The following AMPH variants were observed in gnomAD, a reference collection of about 807,000 sequenced individuals.
AMPH encodes the protein amphiphysin (Stiff-Mann syndrome with breast cancer 128kD autoantigen).
A neutral mutation model predicts 99.1 loss-of-function variants in AMPH; 49 were observed. That is an observed-to-expected ratio of 0.49 (90% confidence interval 0.39 to 0.63). The LOEUF is 0.63. AMPH is among the 20% of genes least tolerant of loss of function. AMPH has a pLI of 0.00. For synonymous variants in AMPH, 314 were observed against 317.3 expected (o/e 0.99, Z 0.11); for missense variants, 759 against 863.4 (o/e 0.88, Z 1.52).
chr7:38,548,009 G>A (rs1480442099), intron 1 of AMPH, among the ~76,000 whole-genome samples: 1 of 149,996 alleles, frequency 6.7e-6, no homozygotes, highest in African/African-American at 2.4e-5. Flanking sequence ...TGCCTACTAG[G>A]AATTTCCTTG....
intron 1 of AMPH, among the ~76,000 whole-genome samples, chr7:38,604,662 T>C (rs1044748863): frequency 3.9e-5 from 6 of 152,166 alleles, no homozygotes; most frequent in East Asian, 1.9e-4. Context: ...GAGTCCTTCA[T>C]CCAAAGACCC....
Position 38,384,857 on chromosome 7 carries a change from T to C in AMPH, c.2049A>G (p.Lys683=). Reference sequence around the variant, plus strand: ...GGGTGAAGTTCTCTGGAAAGAGGCCTTTGTAGGTGGCAAGGTCTCTGTACT... The same window carrying C: ...GGGTGAAGTTCTCTGGAAAGAGGCCCTTGTAGGTGGCAAGGTCTCTGTACT... The part of the protein sequence containing the change: ...WLQYRDLATY[K]GLFPENFTRR... Residue 683 remains lysine (K), a synonymous_variant, in exon 21 of 21, where the codon AAA becomes AAG. Coordinates refer to ENST00000356264, the MANE Select transcript of AMPH (RefSeq NM_001635.4). 6.2e-7 allele frequency: 1 copy of C among 1,614,072 alleles called. No homozygotes were observed. The highest frequency in any genetic ancestry group is 8.5e-7 in the Non-Finnish European group (1 of 1,179,974).
At chr7:38,410,492 G>C (rs1785181758) in intron 17 of AMPH, among the ~76,000 whole-genome samples, 1 of 152,170 alleles carries the variant, frequency 6.6e-6, no homozygotes. Flanking sequence ...GTAAGTAAAA[G>C]CCACTCCACA....
intron 19 of AMPH, among the ~76,000 whole-genome samples, chr7:38,390,309 A>G (rs899644210): frequency 6.6e-6 from 1 of 152,228 alleles, no homozygotes; most frequent in Non-Finnish European, 1.5e-5. Flanking sequence ...TACAGTAATT[A>G]CTACTAAATA....
intron 1 of AMPH, among the ~76,000 whole-genome samples, chr7:38,548,011 A>G (rs1791048723): frequency 6.7e-6 from 1 of 148,968 alleles, no homozygotes; most frequent in Non-Finnish European, 1.5e-5. Flanking sequence ...CCTACTAGGA[A>G]TTTCCTTGTG....
chr7:38,521,108 T>C (rs893298332), intron 2 of AMPH, among the ~76,000 whole-genome samples: 2 of 152,100 alleles, frequency 1.3e-5, no homozygotes, highest in African/African-American at 4.8e-5. Flanking sequence ...ATAATTTGTG[T>C]CCTATAGAGT....
intron 20 of AMPH, among the ~76,000 whole-genome samples, chr7:38,386,127 G>GA (rs1324893796): frequency 2.7e-5 from 4 of 148,690 alleles, no homozygotes; most frequent in African/African-American, 4.9e-5. Context: ...TTGAAGGCAG[G>GA]AAAAAAACCG....
chr7:38,562,831 T>C (rs754631508), intron 1 of AMPH, among the ~76,000 whole-genome samples: 1 of 152,180 alleles, frequency 6.6e-6, no homozygotes, highest in Non-Finnish European at 1.5e-5. Context: ...GTCTTCATAC[T>C]TATTTTTCCT....
intron 1 of AMPH, among the ~76,000 whole-genome samples, chr7:38,567,047 C>T (rs142379483): frequency 6.6e-6 from 1 of 152,048 alleles, no homozygotes; most frequent in African/African-American, 2.4e-5. Context: ...GGACATATAC[C>T]CAAAGGATTA....
chr7:38,437,515 C>T (rs755003052), intron 11 of AMPH, among the ~76,000 whole-genome samples: 189 of 151,168 alleles, frequency 1.3e-3, no homozygotes, highest in Middle Eastern at 3.4e-3. Context: ...GACACAGTGG[C>T]TCATGCCTGT....
chr7:38,489,030 T>C (rs1788620421), intron 5 of AMPH, among the ~76,000 whole-genome samples: 1 of 152,092 alleles, frequency 6.6e-6, no homozygotes, highest in Non-Finnish European at 1.5e-5. Context: ...AGATCCCAAA[T>C]AGCCAAAACA....
At chr7:38,431,277 T>C (rs73118160) in intron 13 of AMPH, among the ~76,000 whole-genome samples, 5,037 of 152,312 alleles carry the variant, frequency 0.033, 114 homozygotes, top group Non-Finnish European at 0.048. Context: ...TTTACAATTA[T>C]CTTATTTAAA....
chr7:38,416,691 C>T (rs1254973722), intron 17 of AMPH, among the ~76,000 whole-genome samples: 1 of 151,992 alleles, frequency 6.6e-6, no homozygotes, highest in Admixed American at 6.6e-5. Context: ...GACAGATCAC[C>T]ATTGGACACC....
intron 2 of AMPH, among the ~76,000 whole-genome samples, chr7:38,519,146 C>G (rs1562803301): frequency 6.6e-6 from 1 of 152,238 alleles, no homozygotes; most frequent in Non-Finnish European, 1.5e-5. Flanking sequence ...AGAGCCAATG[C>G]TGGCACCACA....
rs528824740 is a variant in AMPH at position 38,518,032 on chromosome 7, G to C, written c.151-14328C>G. Among the ~76,000 whole-genome samples the C allele has an allele frequency of 3.3e-5, 5 of 152,222 alleles. No homozygotes were observed. The South Asian group carries it at 1.0e-3, about 32-fold the overall frequency. The stretch of plus-strand genomic sequence containing the variant: ...CAGGCTCACTGCCCAGGACAACCAA[G>C]GGACTCTGCTCCCCACTTCTCAGTG... On this transcript the variant is annotated intron_variant, in intron 2 of 20. Coordinates refer to ENST00000356264, the MANE Select transcript of AMPH (RefSeq NM_001635.4).
chr7:38,442,185 C>T (rs772634193), intron 11 of AMPH, among the ~76,000 whole-genome samples: 20 of 152,024 alleles, frequency 1.3e-4, no homozygotes, highest in African/African-American at 4.3e-4. Flanking sequence ...GTGATCTGTA[C>T]AACAAACGCC....
At chr7:38,385,039 C>T (rs1332030762) in intron 20 of AMPH, 114 bp from the exon 21 acceptor site, 2 of 905,012 alleles carry the variant, frequency 2.2e-6, no homozygotes, top group East Asian at 2.6e-5. Context: ...CAGGATGTCA[C>T]ATTACAGGTA....
intron 1 of AMPH, among the ~76,000 whole-genome samples, chr7:38,557,135 A>T (rs10232088): frequency 0.11 from 15,990 of 152,238 alleles, 1,151 homozygotes; most frequent in Non-Finnish European, 0.16. Context: ...AGCATGGGAC[A>T]AAACAGCAGG....
intron 2 of AMPH, among the ~76,000 whole-genome samples, chr7:38,521,505 A>C (rs1176006415): frequency 6.6e-6 from 1 of 152,196 alleles, no homozygotes; most frequent in African/African-American, 2.4e-5. Context: ...TGGGTGACAG[A>C]GCAAGACTCT....
Sources: allele counts gnomAD v4.1 joint callset (sites outside exome capture counted in the v4.1 genomes callset), GRCh38; gene constraint gnomAD v4.1.1; transcripts MANE v1.5; gene names NCBI Gene and HGNC (gene_info 2026-07-23, HGNC 2026-07-21).